CNTNAP2: variants seen among roughly 807,000 people sequenced by gnomAD.
CNTNAP2 encodes contactin associated protein 2.
In CNTNAP2, 98 loss-of-function variants were observed where a neutral mutation model predicts 155.2. The ratio of observed to expected loss-of-function variants is 0.63; its 90% confidence interval spans 0.54 to 0.75. CNTNAP2 has a LOEUF of 0.75. CNTNAP2 is among the 30% of genes least tolerant of loss of function. The pLI is 0.00. For synonymous variants in CNTNAP2, 651 were observed against 631.2 expected, an observed-to-expected ratio of 1.03 and a Z score of -0.47; for missense variants, 1,727 against 1,688.1, an observed-to-expected ratio of 1.02 and a Z score of -0.40.
rs1801390957 is a variant in CNTNAP2 at position 147,132,287 on chromosome 7, G to A, written c.1126G>A (p.Val376Ile). The A allele has an allele frequency of 1.2e-6, 2 of 1,613,762 alleles. No individual in the cohort carries two copies. Among genetic ancestry groups the A allele is most frequent in the Non-Finnish European group, 1.7e-6 (2 of 1,179,798 alleles). ...FSCVEPYTVP[V>I]FFNATSYLEV... is the part of the protein sequence containing the mutation. Reference sequence around the variant, plus strand: ...TTGTGTGGAACCCTATACGGTGCCTGTCTTTTTCAACGCTACAAGTTACCT... The same window carrying A: ...TTGTGTGGAACCCTATACGGTGCCTATCTTTTTCAACGCTACAAGTTACCT... The change falls in exon 8 of 24, where the codon GTC becomes ATC. Residue 376 changes from valine to isoleucine, a missense_variant. By Grantham distance (29) the Val-to-Ile change is conservative. Coordinates refer to ENST00000361727, the MANE Select transcript of CNTNAP2 (RefSeq NM_014141.6).
intron 12 of CNTNAP2, among the ~76,000 whole-genome samples, chr7:147,586,986 A>C (rs1030557528): frequency 5.9e-5 from 9 of 152,190 alleles, no homozygotes; most frequent in African/African-American, 2.2e-4. Context: ...TTTAACTGAT[A>C]CCTTGTTTTT....
rs1034140978 is a variant in CNTNAP2 at position 147,244,344 on chromosome 7, G to T, written c.1349-55797G>T. ...CATTAGCCAATAAAAAGAAAATGACGTTTCTTTGCAAGGAGTAGACTTTAC... is the reference window on the plus strand; with the variant it reads ...CATTAGCCAATAAAAAGAAAATGACTTTTCTTTGCAAGGAGTAGACTTTAC... On this transcript the variant is annotated intron_variant, in intron 8 of 23. Coordinates refer to ENST00000361727, the MANE Select transcript of CNTNAP2 (RefSeq NM_014141.6). Among the ~76,000 whole-genome samples the T allele has an allele frequency of 5.3e-5, 8 of 152,138 alleles. 1 individual carries two copies. Among genetic ancestry groups the T allele is most frequent in the Admixed American group, 4.6e-4 (7 of 15,270 alleles).
chr7:146,654,616 C>T (rs1167733761), intron 1 of CNTNAP2, among the ~76,000 whole-genome samples: 1 of 152,108 alleles, frequency 6.6e-6, no homozygotes, highest in Admixed American at 6.5e-5. Flanking sequence ...GTAGCAGTTG[C>T]TGAATTTAGT....
At chr7:148,069,123 T>G (rs1803328463) in intron 15 of CNTNAP2, among the ~76,000 whole-genome samples, 1 of 152,232 alleles carries the variant, frequency 6.6e-6, no homozygotes, top group South Asian at 2.1e-4. Flanking sequence ...CTGCCTGATC[T>G]CTATGACTGT....
intron 1 of CNTNAP2, among the ~76,000 whole-genome samples, chr7:146,681,281 A>C (rs1310266049): frequency 6.6e-6 from 1 of 150,520 alleles, no homozygotes; most frequent in Admixed American, 6.6e-5. Flanking sequence ...GGGAGACAGG[A>C]GGGGTTGGGA....
chr7:147,832,683 T>C (rs1169755864), intron 13 of CNTNAP2, among the ~76,000 whole-genome samples: 1 of 146,858 alleles, frequency 6.8e-6, no homozygotes, highest in East Asian at 1.9e-4. Flanking sequence ...TTATATTTCA[T>C]ATTATATTTC....
rs113923648 is a variant in CNTNAP2 at position 146,140,899 on chromosome 7, A to G, written c.97+23926A>G. 4.0e-3 allele frequency among the ~76,000 whole-genome samples: 612 copies of G among 152,210 alleles called. 3 individuals carry two copies. The highest frequency in any genetic ancestry group is 0.017 in the Middle Eastern group (5 of 294). On this transcript the variant is annotated intron_variant, in intron 1 of 23. Transcript: ENST00000361727. The stretch of plus-strand genomic sequence containing the variant: ...TGACATTTAGAGGGCGAAAATCGGA[A>G]CCACTAGAACATCTTGCAATCTGCA...
At chr7:147,093,923 T>C (rs890206195) in intron 4 of CNTNAP2, among the ~76,000 whole-genome samples, 3 of 152,076 alleles carry the variant, frequency 2.0e-5, no homozygotes, top group Non-Finnish European at 2.9e-5. Flanking sequence ...AAGAAAAAGG[T>C]AACAGGTCCC....
At chr7:147,216,043 A>T (rs1803261219) in intron 8 of CNTNAP2, among the ~76,000 whole-genome samples, 1 of 151,142 alleles carries the variant, frequency 6.6e-6, no homozygotes, top group Non-Finnish European at 1.5e-5. Context: ...TTGTTTTCTT[A>T]TTGATGAGTG....
At chr7:147,556,084 G>C (rs191527377) in intron 11 of CNTNAP2, among the ~76,000 whole-genome samples, 2 of 152,062 alleles carry the variant, frequency 1.3e-5, no homozygotes, top group Non-Finnish European at 2.9e-5. Flanking sequence ...CTGTCACATC[G>C]TCTGCTTGGG....
intron 8 of CNTNAP2, among the ~76,000 whole-genome samples, chr7:147,273,775 AT>A (rs1804820507): frequency 6.9e-6 from 1 of 144,956 alleles, no homozygotes; most frequent in South Asian, 2.1e-4. Flanking sequence ...ATACATATAT[AT>A]TTATATCTAT....
At chr7:147,447,437 A>G (rs1250748963) in intron 10 of CNTNAP2, among the ~76,000 whole-genome samples, 2 of 152,178 alleles carry the variant, frequency 1.3e-5, no homozygotes, top group Non-Finnish European at 2.9e-5. Context: ...TTGTTTTGAG[A>G]TGGAGTCTCC....
chr7:146,590,840 T>A (rs1234077799), intron 1 of CNTNAP2, among the ~76,000 whole-genome samples: 2 of 152,250 alleles, frequency 1.3e-5, no homozygotes, highest in Admixed American at 1.3e-4. Flanking sequence ...GTTGCTGTTC[T>A]TTAACAGCTG....
intron 22 of CNTNAP2, among the ~76,000 whole-genome samples, chr7:148,407,618 C>T (rs1351699227): frequency 6.7e-6 from 1 of 149,036 alleles, no homozygotes; most frequent in African/African-American, 2.5e-5. Flanking sequence ...GCAGGAGGAA[C>T]ACTTGAGCCT....
chr7:147,716,003 C>T (rs966337146), intron 13 of CNTNAP2, among the ~76,000 whole-genome samples: 16 of 152,114 alleles, frequency 1.1e-4, no homozygotes, highest in African/African-American at 3.9e-4. Flanking sequence ...TTTAAGAAAA[C>T]TAATTGGGTA....
intron 1 of CNTNAP2, among the ~76,000 whole-genome samples, chr7:146,709,375 G>A (rs901158976): frequency 3.3e-5 from 5 of 152,122 alleles, no homozygotes; most frequent in African/African-American, 9.7e-5. Flanking sequence ...GTGCTGATAC[G>A]AGAAACCTAA....
intron 4 of CNTNAP2, among the ~76,000 whole-genome samples, chr7:147,046,786 T>G (rs879816429): frequency 3.3e-5 from 5 of 152,012 alleles, no homozygotes; most frequent in Non-Finnish European, 7.4e-5. Flanking sequence ...TCCCAGCACT[T>G]TGGGAGGCCA....
At chr7:147,150,539 A>G (rs1277253245) in intron 8 of CNTNAP2, among the ~76,000 whole-genome samples, 1 of 152,218 alleles carries the variant, frequency 6.6e-6, no homozygotes, top group Non-Finnish European at 1.5e-5. Flanking sequence ...CAGAATTGTA[A>G]GTAGTCTAAG....
intron 22 of CNTNAP2, among the ~76,000 whole-genome samples, chr7:148,385,129 G>T (rs1446988003): frequency 5.9e-5 from 9 of 152,138 alleles, no homozygotes; most frequent in Non-Finnish European, 1.2e-4. Context: ...TTGTCATTGT[G>T]ATTCCTTGCC....
Sources: gnomAD v4.1 joint callset for allele counts (sites outside exome capture counted in the v4.1 genomes callset) on GRCh38, gnomAD v4.1.1 for gene constraint, MANE v1.5 for transcripts, NCBI Gene and HGNC (gene_info 2026-07-23, HGNC 2026-07-21) for gene names.